The following ADAM12 variants were observed in gnomAD, a reference collection of about 807,000 sequenced individuals.
ADAM12 encodes the protein disintegrin and metalloproteinase domain-containing protein 12.
ADAM12 carries 70 observed loss-of-function variants against 106.4 expected under a neutral mutation model. That is an observed-to-expected ratio of 0.66 (90% CI 0.54 to 0.80). The LOEUF (loss-of-function observed/expected upper bound fraction) is 0.80, where lower values mean the gene tolerates loss of function less well. Among genes scored for constraint, ADAM12 ranks in the 30% least tolerant of loss-of-function variants. ADAM12 has a pLI of 0.00. For missense variants in ADAM12, 1,010 were observed against 1,171.9 expected, an observed-to-expected ratio of 0.86 and a Z score of 2.02; for synonymous variants, 420 against 433.5, an observed-to-expected ratio of 0.97 and a Z score of 0.39.
chr10:126,275,599 G>C (rs758977718), intron 3 of ADAM12, among the ~76,000 whole-genome samples: 3 of 152,148 alleles, frequency 2.0e-5, no homozygotes, highest in Non-Finnish European at 2.9e-5. Context: ...TTAGGTTGTG[G>C]TTTCTAAGCA....
rs375023099 is a variant in ADAM12 at position 126,090,061 on chromosome 10, A to AT, written c.1145+3923dup. Among the ~76,000 whole-genome samples the AT allele has an allele frequency of 3.1e-3, 476 of 152,226 alleles. 2 individuals are homozygous for AT. Among genetic ancestry groups the AT allele is most frequent in the African/African-American group, 0.011 (448 of 41,548 alleles). Reference sequence around the variant, plus strand: ...TGCCTTGGCCTCCCAAAGTGCTGAGATTACAGGTGTGAACCACCACACCTG... The same window carrying AT: ...TGCCTTGGCCTCCCAAAGTGCTGAGATTTACAGGTGTGAACCACCACACCTG... On this transcript the variant is annotated intron_variant, in intron 11 of 22. Coordinates refer to ENST00000448723, the MANE Select transcript of ADAM12 (RefSeq NM_001288973.2).
At chr10:126,259,657 A>T (rs1160745610) in intron 3 of ADAM12, among the ~76,000 whole-genome samples, 2 of 152,222 alleles carry the variant, frequency 1.3e-5, no homozygotes, top group Non-Finnish European at 2.9e-5. Flanking sequence ...TTGAGCTATC[A>T]TTCATCATCC....
intron 3 of ADAM12, among the ~76,000 whole-genome samples, chr10:126,265,969 G>T (rs1042001745): frequency 1.9e-4 from 29 of 152,206 alleles, no homozygotes; most frequent in African/African-American, 6.5e-4. Context: ...TTATCTTTTA[G>T]GTGTGATAAA....
At chr10:126,075,146 C>T (rs1285971136) in intron 11 of ADAM12, among the ~76,000 whole-genome samples, 1 of 152,106 alleles carries the variant, frequency 6.6e-6, no homozygotes, top group Non-Finnish European at 1.5e-5. Flanking sequence ...AAAAATGCCT[C>T]GTTTATTGTT....
At chr10:126,165,133 G>A (rs1957001191) in intron 3 of ADAM12, among the ~76,000 whole-genome samples, 1 of 152,002 alleles carries the variant, frequency 6.6e-6, no homozygotes, top group Admixed American at 6.6e-5. Flanking sequence ...TCCTGCCCCT[G>A]TTCATTGTTT....
At chr10:126,093,851 G>T in intron 11 of ADAM12, 134 bp downstream of exon 11, 2 of 1,374,098 alleles carry the variant, frequency 1.5e-6, no homozygotes, top group Non-Finnish European at 2.0e-6. Context: ...CTTGCTTCTT[G>T]GGAAGGAATT....
intron 2 of ADAM12, among the ~76,000 whole-genome samples, chr10:126,325,172 C>T (rs1273766611): frequency 1.3e-5 from 2 of 152,012 alleles, no homozygotes; most frequent in African/African-American, 4.8e-5. Context: ...GTCTCAGGAG[C>T]CCAAAGAAGA....
rs1337859501 is a variant in ADAM12, at chr10:126,138,570, T to C, written c.340-2910A>G. On this transcript the variant is annotated intron_variant, in intron 4 of 22. Transcript: ENST00000448723. ...TTGTATTTTTTTGTAGTGATGGAATTTCACCATATTGGCCAGGCTGGTCTT... is the reference window on the plus strand; with the variant it reads ...TTGTATTTTTTTGTAGTGATGGAATCTCACCATATTGGCCAGGCTGGTCTT... 2.6e-5 allele frequency among the ~76,000 whole-genome samples: 4 copies of C among 152,138 alleles called. No homozygotes were observed. The East Asian group carries it at 7.7e-4, about 29-fold the overall frequency.
At chr10:126,190,145 G>T (rs1053206705) in intron 3 of ADAM12, among the ~76,000 whole-genome samples, 2 of 152,070 alleles carry the variant, frequency 1.3e-5, no homozygotes, top group African/African-American at 4.8e-5. Context: ...CTCAGGTTGG[G>T]GCAGAGGGGA....
At chr10:126,109,741 C>T (rs1291859198) in intron 7 of ADAM12, 34 bp downstream of exon 7, 2 of 1,588,346 alleles carry the variant, frequency 1.3e-6, no homozygotes, top group Non-Finnish European at 1.7e-6. Context: ...TTATCTCTAA[C>T]CAACCATACT....
Position 126,171,866 on chromosome 10 carries a change from C to T in ADAM12, c.261-16561G>A, listed in dbSNP as rs113013400. 8.8e-3 allele frequency among the ~76,000 whole-genome samples: 1,335 copies of T among 152,274 alleles called. 21 individuals carry two copies. Among genetic ancestry groups the T allele is most frequent in the African/African-American group, 0.031 (1,275 of 41,532 alleles). On this transcript the variant is annotated intron_variant, in intron 3 of 22. Coordinates refer to ENST00000448723, the MANE Select transcript of ADAM12 (RefSeq NM_001288973.2). ...TTCATTTTCACACAACAATCTTGCA[C>T]GCAAAGTTGGGAATTAGGATGACAT...
intron 7 of ADAM12, among the ~76,000 whole-genome samples, 165 bp from the exon 8 acceptor site, chr10:126,108,829 G>A (rs1398086596): frequency 6.6e-6 from 1 of 152,148 alleles, no homozygotes; most frequent in Non-Finnish European, 1.5e-5. Context: ...TTTCCCGGCT[G>A]GGGACTCCCT....
At chr10:126,130,236 T>G (rs1956280601) in intron 5 of ADAM12, among the ~76,000 whole-genome samples, 1 of 152,110 alleles carries the variant, frequency 6.6e-6, no homozygotes, top group Non-Finnish European at 1.5e-5. Context: ...CTTCTGTCAG[T>G]GAGCAGTTGA....
At chr10:126,196,077 G>A (rs952868057) in intron 3 of ADAM12, among the ~76,000 whole-genome samples, 1 of 152,184 alleles carries the variant, frequency 6.6e-6, no homozygotes, top group African/African-American at 2.4e-5. Context: ...AAAGAGTGGG[G>A]TAACTGCAAC....
intron 4 of ADAM12, among the ~76,000 whole-genome samples, chr10:126,148,513 G>C (rs748015117): frequency 2.0e-5 from 3 of 152,166 alleles, no homozygotes; most frequent in Non-Finnish European, 4.4e-5. Context: ...TTCACTCCCT[G>C]TCTTTACTGT....
intron 11 of ADAM12, among the ~76,000 whole-genome samples, chr10:126,083,966 G>T: frequency 6.6e-6 from 1 of 152,180 alleles, no homozygotes; most frequent in East Asian, 1.9e-4. Context: ...CAACCAGACG[G>T]ACCACAGAAA....
chr10:126,339,847 C>CGTTTTT (rs1207791907), intron 1 of ADAM12, among the ~76,000 whole-genome samples: 3 of 75,710 alleles, frequency 4.0e-5, no homozygotes, highest in Non-Finnish European at 7.0e-5. Context: ...CATTCTAGGG[C>CGTTTTT]TTTTTTTTTT....
intron 2 of ADAM12, among the ~76,000 whole-genome samples, chr10:126,298,946 T>C (rs1461797970): frequency 6.6e-6 from 1 of 152,178 alleles, no homozygotes; most frequent in Non-Finnish European, 1.5e-5. Context: ...AATAAAGATA[T>C]TTGCAGACAA....
intron 1 of ADAM12, among the ~76,000 whole-genome samples, chr10:126,356,114 C>T (rs765011928): frequency 1.3e-4 from 20 of 152,328 alleles, no homozygotes; most frequent in Non-Finnish European, 2.5e-4. Context: ...TAGGCAAAGA[C>T]GCAAACCTCA....
Sources: allele counts gnomAD v4.1 joint callset (sites outside exome capture counted in the v4.1 genomes callset), GRCh38; gene constraint gnomAD v4.1.1; transcripts MANE v1.5; gene names NCBI Gene and HGNC (gene_info 2026-07-23, HGNC 2026-07-21).